The following VWC2L variants were observed in gnomAD, a reference collection of about 807,000 sequenced individuals.
The protein encoded by VWC2L is von Willebrand factor C domain-containing protein 2-like.
A neutral mutation model predicts 21.6 loss-of-function variants in VWC2L; 10 were observed. The observed-to-expected ratio is 0.46, with a 90% CI of 0.29 to 0.78. VWC2L has a LOEUF of 0.78. Among genes scored for constraint, VWC2L ranks in the 30% least tolerant of loss-of-function variants. The pLI, the probability that VWC2L is intolerant of heterozygous loss-of-function variation, is 0.10. For missense variants in VWC2L, 209 were observed against 277.1 expected, an observed-to-expected ratio of 0.75 and a Z score of 1.74; for synonymous variants, 96 against 94.3, an observed-to-expected ratio of 1.02 and a Z score of -0.10.
chr2:214,538,707 T>C (rs1007982928), intron 3 of VWC2L, among the ~76,000 whole-genome samples: 6 of 151,636 alleles, frequency 4.0e-5, no homozygotes, highest in Non-Finnish European at 5.9e-5. Flanking sequence ...AAGGAGAAGA[T>C]GTTCTAATGG....
At chr2:214,446,678 T>C (rs74433068) in intron 3 of VWC2L, among the ~76,000 whole-genome samples, 1,588 of 152,304 alleles carry the variant, frequency 0.01, 26 homozygotes, top group African/African-American at 0.035. Flanking sequence ...GGGACTATTT[T>C]TTCCCTAAGT....
intron 3 of VWC2L, among the ~76,000 whole-genome samples, chr2:214,551,911 C>T (rs1689800696): frequency 6.6e-6 from 1 of 152,240 alleles, no homozygotes; most frequent in Admixed American, 6.5e-5. Context: ...GATGTCTTTC[C>T]TTCACAGTAA....
chr2:214,491,657 C>T (rs183155905), intron 3 of VWC2L, among the ~76,000 whole-genome samples: 165 of 152,224 alleles, frequency 1.1e-3, no homozygotes, highest in Admixed American at 8.0e-3. Flanking sequence ...GCCCTGAGTC[C>T]TTTCACTCAA....
intron 3 of VWC2L, among the ~76,000 whole-genome samples, chr2:214,457,105 T>C (rs1703069201): frequency 6.6e-6 from 1 of 152,052 alleles, no homozygotes; most frequent in African/African-American, 2.4e-5. Context: ...CTGTGAAAAA[T>C]GTTATTTGTA....
intron 3 of VWC2L, among the ~76,000 whole-genome samples, chr2:214,497,788 C>A (rs1246926992): frequency 6.6e-6 from 1 of 152,206 alleles, no homozygotes; most frequent in African/African-American, 2.4e-5. Flanking sequence ...ATATTCATAA[C>A]AAACTTCTTC....
At chr2:214,450,776 G>A (rs149311716) in intron 3 of VWC2L, among the ~76,000 whole-genome samples, 43 of 152,180 alleles carry the variant, frequency 2.8e-4, no homozygotes, top group Non-Finnish European at 5.4e-4. Flanking sequence ...TGAGGGGAAT[G>A]GTTGCCCTTT....
At chr2:214,497,079 T>A (rs1354797143) in intron 3 of VWC2L, among the ~76,000 whole-genome samples, 1 of 152,212 alleles carries the variant, frequency 6.6e-6, no homozygotes, top group Non-Finnish European at 1.5e-5. Flanking sequence ...AAATCCTATA[T>A]TTCAAAAGGT....
At position 214,529,777 on chromosome 2, in the gene VWC2L, G is replaced by A. The variant is rs72943396; in HGVS notation, c.521-45895G>A. Among the ~76,000 whole-genome samples, 9 of 152,216 alleles carry A rather than the reference G, an allele frequency of 5.9e-5. No homozygotes were observed. The South Asian group carries it at 1.2e-3, about 21-fold the overall frequency. ...ACTATAATGTTTGAGGAAGTCAAAC[G>A]GTCACTATGTTTAATTTATATCTCA... On this transcript the variant is annotated intron_variant, in intron 3 of 3. Coordinates refer to ENST00000312504, the MANE Select transcript of VWC2L (RefSeq NM_001080500.4).
intron 3 of VWC2L, among the ~76,000 whole-genome samples, chr2:214,470,916 CAAAAAAAAAAAAAAAA>C (rs56041924): frequency 2.0e-5 from 1 of 50,796 alleles, no homozygotes; most frequent in South Asian, 1.4e-3. Context: ...AACTCCATCT[CAAAAAAAAAAAAAAAA>C]AAAAAAAAAA....
intron 3 of VWC2L, among the ~76,000 whole-genome samples, chr2:214,558,860 G>A (rs1489184120): frequency 6.6e-6 from 1 of 150,608 alleles, no homozygotes; most frequent in African/African-American, 2.4e-5. Context: ...TTTAGCTAGT[G>A]TTTCTTTTTT....
chr2:214,563,222 C>T (rs1345799956), intron 3 of VWC2L, among the ~76,000 whole-genome samples: 1 of 152,020 alleles, frequency 6.6e-6, no homozygotes, highest in African/African-American at 2.4e-5. Flanking sequence ...ATCCTTTCCC[C>T]ATTACTTGTT....
intron 3 of VWC2L, among the ~76,000 whole-genome samples, chr2:214,560,479 T>C (rs1689949440): frequency 6.6e-6 from 1 of 152,218 alleles, no homozygotes; most frequent in Non-Finnish European, 1.5e-5. Context: ...TGGTGTGTTA[T>C]GCATATCAAG....
intron 3 of VWC2L, among the ~76,000 whole-genome samples, chr2:214,475,110 C>CT (rs1157908011): frequency 1.3e-5 from 2 of 152,150 alleles, no homozygotes; most frequent in African/African-American, 4.8e-5. Context: ...CAGAGCCCTT[C>CT]TTTTGAAAGC....
chr2:214,424,252 C>T (rs1234897992), intron 2 of VWC2L, among the ~76,000 whole-genome samples: 1 of 152,124 alleles, frequency 6.6e-6, no homozygotes, highest in African/African-American at 2.4e-5. Context: ...TGTGATTGTT[C>T]ATAAGGGTTT....
intron 3 of VWC2L, among the ~76,000 whole-genome samples, chr2:214,444,045 AAC>A (rs1310755546): frequency 6.6e-6 from 1 of 152,138 alleles, no homozygotes; most frequent in Non-Finnish European, 1.5e-5. Context: ...TATATAAAAT[AAC>A]ACATATATGT....
At chr2:214,429,166 C>T (rs991331443) in intron 2 of VWC2L, among the ~76,000 whole-genome samples, 7 of 152,194 alleles carry the variant, frequency 4.6e-5, no homozygotes, top group Non-Finnish European at 1.0e-4. Flanking sequence ...TCTCTCCTTT[C>T]CAGTGTCAAC....
chr2:214,474,839 G>T (rs573905802), intron 3 of VWC2L, among the ~76,000 whole-genome samples: 2 of 152,240 alleles, frequency 1.3e-5, no homozygotes, highest in African/African-American at 2.4e-5. Flanking sequence ...GCAATGTATT[G>T]TGTCTATTAT....
At chr2:214,446,572 G>T (rs1388771679) in intron 3 of VWC2L, among the ~76,000 whole-genome samples, 1 of 151,960 alleles carries the variant, frequency 6.6e-6, no homozygotes, top group Non-Finnish European at 1.5e-5. Flanking sequence ...GAATTATTAG[G>T]GCTACCTGGT....
Position 214,444,109 on chromosome 2 carries a change from A to G in VWC2L, c.520+7351A>G, listed in dbSNP as rs184986242. Among the ~76,000 whole-genome samples the G allele has an allele frequency of 4.0e-4, 61 of 152,242 alleles. 1 individual carries two copies. Among genetic ancestry groups the G allele is most frequent in the African/African-American group, 1.4e-3 (58 of 41,580 alleles). ...AATGATGCAGAGGTATCAATAAAAT[A>G]TAATAGAAAGTTTAACAGTCCTAAC... On this transcript the variant is annotated intron_variant, in intron 3 of 3. Coordinates refer to ENST00000312504, the MANE Select transcript of VWC2L (RefSeq NM_001080500.4).
Sources: gnomAD v4.1 joint callset for allele counts (sites outside exome capture counted in the v4.1 genomes callset) on GRCh38, gnomAD v4.1.1 for gene constraint, MANE v1.5 for transcripts, NCBI Gene and HGNC (gene_info 2026-07-23, HGNC 2026-07-21) for gene names.